Variants in PIAS2 observed in about 807,000 individuals in gnomAD.
PIAS2 encodes E3 SUMO-protein ligase PIAS2.
A neutral mutation model predicts 69.7 loss-of-function variants in PIAS2; 19 were observed. The observed-to-expected ratio is 0.27, with a 90% CI of 0.19 to 0.40. PIAS2 has a LOEUF of 0.40. Ranked by LOEUF, PIAS2 falls within the 10% of genes least tolerant of loss-of-function variation. The pLI, the probability that PIAS2 is intolerant of heterozygous loss-of-function variation, is 1.00. For synonymous variants in PIAS2, 261 were observed against 263.2 expected (o/e 0.99, Z 0.08); for missense variants, 624 against 757.0 (o/e 0.82, Z 2.06).
At chr18:46,888,726 G>A (rs72913070) in intron 2 of PIAS2, among the ~76,000 whole-genome samples, 11,674 of 152,186 alleles carry the variant, frequency 0.077, 482 homozygotes, top group African/African-American at 0.099. Context: ...ACAGTTCACA[G>A]TAGGGTTCCT....
intron 2 of PIAS2, among the ~76,000 whole-genome samples, chr18:46,880,547 A>G (rs1479834563): frequency 3.3e-5 from 5 of 152,168 alleles, no homozygotes; most frequent in Non-Finnish European, 1.5e-5. Flanking sequence ...ATGCCTGTGA[A>G]TAACCACTGC....
At chr18:46,902,886 A>T (rs2056096288) in intron 1 of PIAS2, among the ~76,000 whole-genome samples, 1 of 152,180 alleles carries the variant, frequency 6.6e-6, no homozygotes, top group African/African-American at 2.4e-5. Context: ...AGCAAAGAGA[A>T]TACAGAACCC....
At position 46,815,445 on chromosome 18, in the gene PIAS2, T is replaced by C. The variant is rs931825254; in HGVS notation, c.1649-96A>G. The C allele has an allele frequency of 2.5e-5, 39 of 1,587,694 alleles. No individual in the cohort carries two copies. In the South Asian group the frequency reaches 3.9e-4, roughly 16 times the overall value. Reference sequence around the variant, plus strand: ...TTTATCACAAATCACAAAACATTTGTGGTAAGTGCTTACCACTCTGTCACA... The same window carrying C: ...TTTATCACAAATCACAAAACATTTGCGGTAAGTGCTTACCACTCTGTCACA... On this transcript the variant is annotated intron_variant, in intron 12 of 13. Transcript: ENST00000585916.
chr18:46,900,517 AT>A (rs573077573), intron 1 of PIAS2, among the ~76,000 whole-genome samples: 46 of 151,942 alleles, frequency 3.0e-4, no homozygotes, highest in African/African-American at 1.1e-3. Flanking sequence ...AAAAAAAAAA[AT>A]TGTTTTTAAT....
At chr18:46,817,517 CAT>C (rs1416340923) in intron 12 of PIAS2, 1 of 942,674 alleles carries the variant, frequency 1.1e-6, no homozygotes, top group Non-Finnish European at 1.3e-6. Context: ...TTGATGATTT[CAT>C]GTGTGTGGTA....
rs568311087 is a variant in PIAS2 at position 46,901,183 on chromosome 18, C to G, written c.25-10129G>C. The G allele has an allele frequency of 2.0e-3, 671 of 339,108 alleles. 1 individual carries two copies. Among genetic ancestry groups the G allele is most frequent in the African/African-American group, 1.0e-2 (453 of 45,402 alleles). 21.0% of individuals were successfully genotyped at this position (339,108 alleles called of 1,614,324 possible). On this transcript the variant is annotated intron_variant, in intron 1 of 13. Coordinates refer to ENST00000585916, the MANE Select transcript of PIAS2 (RefSeq NM_004671.5). ...CTGTAATCTCAGCACTTTGGGAGGC[C>G]AAGGCGGGCGGATCACCTGCGGTCA... is the stretch of plus-strand genomic sequence containing the variant.
intron 8 of PIAS2, 42 bp from the exon 9 acceptor site, chr18:46,836,559 G>A (rs764076237): frequency 3.3e-6 from 5 of 1,514,124 alleles, no homozygotes; most frequent in Non-Finnish European, 4.5e-6. Context: ...TCAGAAAGGA[G>A]AATGAGCTCA....
intron 6 of PIAS2, among the ~76,000 whole-genome samples, chr18:46,845,442 CA>C (rs1228434424): frequency 6.6e-6 from 1 of 152,026 alleles, no homozygotes; most frequent in Non-Finnish European, 1.5e-5. Context: ...TCCTGTACCC[CA>C]AATGGGTATT....
Position 46,846,582 on chromosome 18 carries a change from T to G in PIAS2, c.861+125A>C, listed in dbSNP as rs994172198. The G allele has an allele frequency of 7.3e-6, 7 of 960,244 alleles. No homozygotes were observed. In the African/African-American group the frequency reaches 8.4e-5, roughly 11 times the overall value. 59.5% of individuals were successfully genotyped at this position (960,244 alleles called of 1,614,324 possible). On this transcript the variant is annotated intron_variant, in intron 6 of 13. Transcript: ENST00000585916. ...CACACTGCCACCTCTAAACTGAAAA[T>G]TACTGCTTTTTAGAGATTACAATCC... is the stretch of plus-strand genomic sequence containing the variant.
chr18:46,901,565 G>T (rs1433179188), intron 1 of PIAS2, among the ~76,000 whole-genome samples: 1 of 152,176 alleles, frequency 6.6e-6, no homozygotes, highest in Non-Finnish European at 1.5e-5. Context: ...CAGTATGCAA[G>T]ACTGGTTCAT....
intron 1 of PIAS2, among the ~76,000 whole-genome samples, chr18:46,912,729 A>T (rs1481175521): frequency 1.3e-5 from 2 of 152,214 alleles, no homozygotes; most frequent in Non-Finnish European, 2.9e-5. Context: ...GTATATTTTT[A>T]GACTTTTGGA....
chr18:46,916,878 C>T, intron 1 of PIAS2: 1 of 985,506 alleles, frequency 1.0e-6, no homozygotes, highest in Non-Finnish European at 1.2e-6. Flanking sequence ...TTCCTAAACG[C>T]AACTTCAGCT....
Position 46,914,477 on chromosome 18 carries a change from G to C in PIAS2, c.24+2845C>G, listed in dbSNP as rs2057587916. Among the ~76,000 whole-genome samples the C allele has an allele frequency of 3.3e-5, 5 of 152,104 alleles. No homozygotes were observed. The South Asian group carries it at 1.0e-3, about 32-fold the overall frequency. ...TCTGCTATGACCAGCCAAGATCTCT[G>C]GTACTGGCTCACGCAGCAGTCTCCA... On this transcript the variant is annotated intron_variant, in intron 1 of 13. Transcript: ENST00000585916.
At chr18:46,912,261 G>A (rs1333253573) in intron 1 of PIAS2, among the ~76,000 whole-genome samples, 3 of 152,168 alleles carry the variant, frequency 2.0e-5, no homozygotes, top group Non-Finnish European at 4.4e-5. Context: ...GAATGCTCAA[G>A]TCTCTTACAT....
chr18:46,857,600 GA>G (rs1163155350), intron 3 of PIAS2, among the ~76,000 whole-genome samples: 1 of 152,122 alleles, frequency 6.6e-6, no homozygotes, highest in Non-Finnish European at 1.5e-5. Context: ...TGTTAGATGG[GA>G]AACACGATGT....
intron 11 of PIAS2, among the ~76,000 whole-genome samples, chr18:46,821,708 C>T (rs1245258114): frequency 6.6e-6 from 1 of 151,988 alleles, no homozygotes; most frequent in Non-Finnish European, 1.5e-5. Context: ...TAGCACCTAC[C>T]AGGTAGGTGA....
At chr18:46,889,804 T>C (rs188436012) in intron 2 of PIAS2, among the ~76,000 whole-genome samples, 29 of 152,282 alleles carry the variant, frequency 1.9e-4, no homozygotes, top group African/African-American at 7.0e-4. Flanking sequence ...TCGCAATAGC[T>C]AAAATGTGGG....
At chr18:46,875,375 C>T (rs1323412327) in intron 2 of PIAS2, among the ~76,000 whole-genome samples, 1 of 152,168 alleles carries the variant, frequency 6.6e-6, no homozygotes, top group African/African-American at 2.4e-5. Context: ...CGTGGTCCCA[C>T]CCCATCAAAT....
At position 46,864,256 on chromosome 18, in the gene PIAS2, GAAA is replaced by G. The variant is rs540618983; in HGVS notation, c.500-11_500-9del. ...GCTGAATACTGCTTTGAACTGGGAA[GAAA>G]AAAAAAAAGAAAGATAATATTTCAA... is the stretch of plus-strand genomic sequence containing the variant. On this transcript the variant is annotated splice_polypyrimidine_tract_variant and intron_variant, in intron 2 of 13. Transcript: ENST00000585916. The G allele has an allele frequency of 8.4e-6, 10 of 1,196,532 alleles. No individual in the cohort carries two copies. Among genetic ancestry groups the G allele is most frequent in the Middle Eastern group, 2.6e-4 (1 of 3,830 alleles). 74.1% of individuals were successfully genotyped at this position (1,196,532 alleles called of 1,614,324 possible). A position where few individuals can be genotyped will look rare whatever the true frequency, so the allele number is the denominator to read the frequency against.
Sources: allele counts gnomAD v4.1 joint callset (sites outside exome capture counted in the v4.1 genomes callset), GRCh38; gene constraint gnomAD v4.1.1; transcripts MANE v1.5; gene names NCBI Gene and HGNC (gene_info 2026-07-23, HGNC 2026-07-21).